CEP162: variants seen among roughly 807,000 people sequenced by gnomAD.
CEP162 encodes the protein centrosomal protein 162.
A neutral mutation model predicts 169.2 loss-of-function variants in CEP162; 141 were observed. That is an observed-to-expected ratio of 0.83 (90% CI 0.73 to 0.96). CEP162 has a LOEUF of 0.96. CEP162 is among the 40% of genes least tolerant of loss of function. CEP162 has a pLI of 0.00. For synonymous variants in CEP162, 540 were observed against 526.4 expected, an observed-to-expected ratio of 1.03 and a Z score of -0.35; for missense variants, 1,600 against 1,587.2, an observed-to-expected ratio of 1.01 and a Z score of -0.14.
intron 6 of CEP162, among the ~76,000 whole-genome samples, chr6:84,204,491 T>A (rs761551516): frequency 3.3e-5 from 5 of 152,040 alleles, no homozygotes; most frequent in African/African-American, 1.2e-4. Context: ...GGGTAAATAA[T>A]GAAATGAAGG....
At position 84,185,380 on chromosome 6, in the gene CEP162, C is replaced by T; in HGVS notation, c.1470G>A (p.Lys490=). 6.2e-7 allele frequency: 1 copy of T among 1,613,552 alleles called. No individual in the cohort carries two copies. Among genetic ancestry groups the T allele is most frequent in the Non-Finnish European group, 8.5e-7 (1 of 1,179,582 alleles). The stretch of plus-strand genomic sequence containing the variant: ...TAAGTAAAGGAGGTGCACTTCTGGC[C>T]TTCTTGTATGGTACCTGTTTACCCA... ...AVMGKQVPYK[K]ARSAPPLLKR... Residue 490 remains lysine (K), a synonymous_variant, in exon 13 of 27, where the codon AAG becomes AAA. Coordinates refer to ENST00000403245, the MANE Select transcript of CEP162 (RefSeq NM_014895.4).
rs3141 is a variant in CEP162 at position 84,125,069 on chromosome 6, A to G, written c.*1T>C. On this transcript the variant is annotated 3_prime_UTR_variant, in exon 27 of 27. Transcript: ENST00000403245. ...AGGTCATTATGAAATCTGAATTTCT[A>G]TTAATACTCTGGTGCATTCATTTCA... is the stretch of plus-strand genomic sequence containing the variant. The G allele has an allele frequency of 1.2e-3, 1,965 of 1,608,780 alleles. 2 individuals carry two copies. The highest frequency in any genetic ancestry group is 1.5e-3 in the Admixed American group (91 of 59,624).
chr6:84,195,721 C>A (rs1268880877), intron 9 of CEP162, among the ~76,000 whole-genome samples: 1 of 152,120 alleles, frequency 6.6e-6, no homozygotes, highest in Non-Finnish European at 1.5e-5. Context: ...ATTTTGAGGG[C>A]AATTTTCCAA....
intron 11 of CEP162, among the ~76,000 whole-genome samples, chr6:84,190,135 C>G (rs1353194832): frequency 6.6e-6 from 1 of 152,168 alleles, no homozygotes; most frequent in Non-Finnish European, 1.5e-5. Context: ...CACCAGTCAG[C>G]ACCCTGTGTT....
intron 25 of CEP162, among the ~76,000 whole-genome samples, chr6:84,142,801 A>G (rs1264442363): frequency 6.6e-6 from 1 of 152,150 alleles, no homozygotes; most frequent in East Asian, 1.9e-4. Flanking sequence ...AGTATCCATT[A>G]TTCCATGTAT....
At chr6:84,198,827 T>C (rs1350566648) in intron 9 of CEP162, among the ~76,000 whole-genome samples, 1 of 152,172 alleles carries the variant, frequency 6.6e-6, no homozygotes, top group Non-Finnish European at 1.5e-5. Context: ...AAAACATGCT[T>C]AGAAGTACTC....
At chr6:84,172,927 T>C (rs1389909316) in intron 16 of CEP162, among the ~76,000 whole-genome samples, 2 of 152,196 alleles carry the variant, frequency 1.3e-5, no homozygotes, top group African/African-American at 4.8e-5. Flanking sequence ...TAACTAAACC[T>C]GTCCTGGTTG....
At chr6:84,168,465 C>T (rs2099528705) in intron 18 of CEP162, among the ~76,000 whole-genome samples, 1 of 151,878 alleles carries the variant, frequency 6.6e-6, no homozygotes, top group African/African-American at 2.4e-5. Context: ...TAAAAAATAA[C>T]TGGAATTTTT....
At chr6:84,127,286 C>T (rs759637263) in intron 25 of CEP162, among the ~76,000 whole-genome samples, 1 of 152,012 alleles carries the variant, frequency 6.6e-6, no homozygotes, top group Admixed American at 6.6e-5. Flanking sequence ...AACAATAACT[C>T]TTGTTTTCTA....
At chr6:84,165,419 G>A (rs1417613517) in intron 18 of CEP162, among the ~76,000 whole-genome samples, 1 of 151,780 alleles carries the variant, frequency 6.6e-6, no homozygotes, top group Non-Finnish European at 1.5e-5. Context: ...GACAAAAACC[G>A]TACTTACCTT....
chr6:84,186,660 T>C lies in CEP162; in HGVS notation c.1110-37A>G, dbSNP rs753749191. ...AACAGGACACAGATAATGAACCCTA[T>C]GTAACAGCTTTTCAAATATCAGTAA... On this transcript the variant is annotated intron_variant, in intron 11 of 26. Coordinates refer to ENST00000403245, the MANE Select transcript of CEP162 (RefSeq NM_014895.4). 48 of 1,521,844 alleles carry C rather than the reference T, an allele frequency of 3.2e-5. No homozygotes were observed. In the Admixed American group the frequency reaches 7.5e-4, roughly 24 times the overall value. 94.3% of individuals were successfully genotyped at this position (1,521,844 alleles called of 1,614,324 possible).
At chr6:84,221,605 C>T (rs562842239) in intron 2 of CEP162, among the ~76,000 whole-genome samples, 4 of 152,038 alleles carry the variant, frequency 2.6e-5, no homozygotes, top group Non-Finnish European at 5.9e-5. Flanking sequence ...ATGAAATTGA[C>T]CAAGAAAAAT....
rs556876245 is a variant in CEP162, at chr6:84,136,520, C to T, written c.3871-10008G>A. On this transcript the variant is annotated intron_variant, in intron 25 of 26. Transcript: ENST00000403245. ...TAAGTTTTGGCAGGGATATTCAAAC[C>T]GCAGCAGCATGTGACACAGTTCTGA... Among the ~76,000 whole-genome samples, 199 of 152,220 alleles carry T rather than the reference C, an allele frequency of 1.3e-3. 1 individual carries two copies. The highest frequency in any genetic ancestry group is 3.9e-3 in the African/African-American group (161 of 41,540).
At chr6:84,204,132 A>G (rs770488794) in intron 6 of CEP162, 36 bp from the exon 7 acceptor site, 1 of 1,305,274 alleles carries the variant, frequency 7.7e-7, no homozygotes, top group South Asian at 1.3e-5. Context: ...CAAAGACCAC[A>G]TTGTTAAAAA....
chr6:84,133,179 A>G (rs1049662428), intron 25 of CEP162, among the ~76,000 whole-genome samples: 8 of 152,160 alleles, frequency 5.3e-5, no homozygotes, highest in African/African-American at 1.9e-4. Flanking sequence ...AACAGCAAAT[A>G]TTGCAGAACA....
At chr6:84,132,525 GGA>G in intron 25 of CEP162, among the ~76,000 whole-genome samples, 1 of 152,184 alleles carries the variant, frequency 6.6e-6, no homozygotes, top group South Asian at 2.1e-4. Flanking sequence ...CATATTTCTT[GGA>G]GGCTTTGTTC....
At chr6:84,193,811 A>G (rs377690304) in intron 10 of CEP162, 121 bp from the exon 11 acceptor site, 1 of 520,800 alleles carries the variant, frequency 1.9e-6, no homozygotes, top group Non-Finnish European at 3.4e-6. Flanking sequence ...CATGCAATAA[A>G]CCTAGTTTTC....
intron 7 of CEP162, among the ~76,000 whole-genome samples, chr6:84,203,666 G>A (rs1010897442): frequency 2.0e-5 from 3 of 152,082 alleles, no homozygotes; most frequent in African/African-American, 7.2e-5. Context: ...TGTCCAGGTT[G>A]TCCTTGAGCT....
At chr6:84,162,146 T>C (rs538310649) in intron 19 of CEP162, among the ~76,000 whole-genome samples, 303 of 152,324 alleles carry the variant, frequency 2.0e-3, no homozygotes, top group African/African-American at 7.1e-3. Flanking sequence ...AAGTTGGCTA[T>C]GTAGAAATTT....
Sources: gnomAD v4.1 joint callset for allele counts (sites outside exome capture counted in the v4.1 genomes callset) on GRCh38, gnomAD v4.1.1 for gene constraint, MANE v1.5 for transcripts, NCBI Gene and HGNC (gene_info 2026-07-23, HGNC 2026-07-21) for gene names.